ARRB1: variants seen among roughly 807,000 people sequenced by gnomAD.
ARRB1 encodes the protein arrestin beta 1.
In ARRB1, 21 loss-of-function variants were observed where a neutral mutation model predicts 56.8. That is an observed-to-expected ratio of 0.37 (90% CI 0.26 to 0.53). The LOEUF is 0.53. Among genes scored for constraint, ARRB1 ranks in the 20% least tolerant of loss-of-function variants. The pLI is 0.88. For synonymous variants in ARRB1, 210 were observed against 218.6 expected (o/e 0.96, Z 0.35); for missense variants, 424 against 553.7 (o/e 0.77, Z 2.35).
intron 13 of ARRB1, among the ~76,000 whole-genome samples, chr11:75,270,071 C>G (rs1346097366): frequency 6.6e-6 from 1 of 152,276 alleles, no homozygotes; most frequent in Non-Finnish European, 1.5e-5. Context: ...AGCCTCGCCA[C>G]CCGCTGGTGC....
At chr11:75,302,077 G>A (rs1215625058) in intron 1 of ARRB1, among the ~76,000 whole-genome samples, 11 of 152,320 alleles carry the variant, frequency 7.2e-5, no homozygotes, top group Admixed American at 2.0e-4. Context: ...GTCAGACTGG[G>A]ATGGGGACCG....
intron 1 of ARRB1, among the ~76,000 whole-genome samples, chr11:75,344,957 G>T (rs1024492333): frequency 7.2e-5 from 11 of 152,272 alleles, no homozygotes; most frequent in African/African-American, 2.6e-4. Context: ...CCACTGAATG[G>T]TTCAGACATT....
intron 11 of ARRB1, among the ~76,000 whole-genome samples, chr11:75,273,677 C>T (rs1209183485): frequency 9.9e-6 from 1 of 101,356 alleles, no homozygotes; most frequent in East Asian, 2.6e-4. Context: ...TGCCCTGGGA[C>T]CCCTGACTTG....
intron 7 of ARRB1, 148 bp from the exon 8 acceptor site, chr11:75,278,892 G>C: frequency 3.4e-6 from 4 of 1,167,452 alleles, no homozygotes; most frequent in Non-Finnish European, 4.7e-6. Flanking sequence ...ATCAGCATAG[G>C]GGTCTGTCAC....
chr11:75,312,556 A>G (rs1947185386), intron 1 of ARRB1, among the ~76,000 whole-genome samples: 1 of 152,200 alleles, frequency 6.6e-6, no homozygotes. Context: ...CGAGATGCCC[A>G]CATCCTAATC....
At chr11:75,344,126 T>C (rs535542871) in intron 1 of ARRB1, among the ~76,000 whole-genome samples, 4 of 152,286 alleles carry the variant, frequency 2.6e-5, no homozygotes, top group African/African-American at 7.2e-5. Flanking sequence ...CTGCTACAGA[T>C]GCTTTATGTC....
At chr11:75,305,269 TCCTGAC>T (rs1470905468) in intron 1 of ARRB1, among the ~76,000 whole-genome samples, 4 of 151,764 alleles carry the variant, frequency 2.6e-5, no homozygotes, top group Middle Eastern at 6.8e-3. Context: ...GGTCTTGAAC[TCCTGAC>T]CTCAAGTGAT....
chr11:75,267,346 C>T (rs1240116765), intron 15 of ARRB1, among the ~76,000 whole-genome samples: 1 of 152,158 alleles, frequency 6.6e-6, no homozygotes, highest in Non-Finnish European at 1.5e-5. Flanking sequence ...AGCCCAGGGC[C>T]ATGGACCAGC....
chr11:75,261,204 G>GTGTGTGTGTGTGTGTGTGTA lies in ARRB1; in HGVS notation c.*4958_*4959insTACACACACACACACACACA. 1 of 152,112 alleles carries GTGTGTGTGTGTGTGTGTGTA rather than the reference G, an allele frequency of 6.6e-6. No individual in the cohort carries two copies. Among genetic ancestry groups the GTGTGTGTGTGTGTGTGTGTA allele is most frequent in the African/African-American group, 2.4e-5 (1 of 41,298 alleles). The allele number at this position is 152,112 out of a possible 1,614,324, so 9.4% of individuals were successfully genotyped here. A position where few individuals can be genotyped will look rare whatever the true frequency, so the allele number is the denominator to read the frequency against. On this transcript the variant is annotated 3_prime_UTR_variant, in exon 16 of 16. Coordinates refer to ENST00000420843, the MANE Select transcript of ARRB1 (RefSeq NM_004041.5). ...TACGTGTGTGTGTGTGTGTGTGTGTGTGTGTGTGTGTGTGTGTATAAATGC... is the reference window on the plus strand; with the variant it reads ...TACGTGTGTGTGTGTGTGTGTGTGTGTGTGTGTGTGTGTGTGTGTATGTGTGTGTGTGTGTGTATAAATGC...
chr11:75,277,545 C>T, intron 8 of ARRB1, 97 bp from the exon 9 acceptor site: 3 of 1,143,996 alleles, frequency 2.6e-6, no homozygotes, highest in Non-Finnish European at 3.9e-6. Context: ...TCTGGGGTTC[C>T]CCAGACCTTG....
At chr11:75,349,668 C>T (rs1464803230) in intron 1 of ARRB1, among the ~76,000 whole-genome samples, 1 of 152,238 alleles carries the variant, frequency 6.6e-6, no homozygotes, top group African/African-American at 2.4e-5. Flanking sequence ...AAAAGCCTGA[C>T]CTCATGGGTC....
At chr11:75,279,704 G>A (rs1946284997) in intron 7 of ARRB1, among the ~76,000 whole-genome samples, 1 of 152,108 alleles carries the variant, frequency 6.6e-6, no homozygotes, top group South Asian at 2.1e-4. Flanking sequence ...GTCTCACTCT[G>A]TTGCCCAGGC....
In ARRB1 at chr11:75,266,168, T is replaced by C. The variant is rs781671154; in HGVS notation, c.1252A>G (p.Arg418Gly). 2.5e-6 allele frequency: 4 copies of C among 1,613,974 alleles called. No homozygotes were observed. In the East Asian group the frequency reaches 8.9e-5, roughly 36 times the overall value. ...TGGAGGCAGGGCCGGCCCGTCTATC[T>C]GTTGTTGAGCTGTGGAGAGCCGGTA... Reference protein sequence around the residue: ...DGTGSPQLNNR With the variant: ...DGTGSPQLNNG Residue 418 changes from arginine (R) to glycine (G), a missense_variant, in exon 16 of 16, where the codon AGA becomes GGA. Arg to Gly is a moderately radical substitution (Grantham distance 125, BLOSUM62 -2). Transcript: ENST00000420843.
intron 1 of ARRB1, among the ~76,000 whole-genome samples, chr11:75,320,658 G>A (rs911145828): frequency 1.2e-4 from 18 of 152,174 alleles, no homozygotes; most frequent in Admixed American, 1.2e-3. Flanking sequence ...CCCCACTCAA[G>A]TACCCAACTC....
chr11:75,333,926 C>T (rs1947559989), intron 1 of ARRB1, among the ~76,000 whole-genome samples: 2 of 152,170 alleles, frequency 1.3e-5, no homozygotes, highest in African/African-American at 2.4e-5. Flanking sequence ...GAAAGGTCAG[C>T]TCGGCCTGCC....
chr11:75,276,972 C>T (rs368892171), intron 9 of ARRB1, 61 bp from the exon 10 acceptor site: 293 of 1,407,186 alleles, frequency 2.1e-4, no homozygotes, highest in Non-Finnish European at 2.7e-4. Flanking sequence ...TGGAGTCTCA[C>T]AGGCGTCCCC....
At chr11:75,340,365 T>A (rs1947676020) in intron 1 of ARRB1, among the ~76,000 whole-genome samples, 1 of 152,240 alleles carries the variant, frequency 6.6e-6, no homozygotes, top group Non-Finnish European at 1.5e-5. Context: ...GCACTACCAC[T>A]ATCCAAGGCA....
intron 1 of ARRB1, among the ~76,000 whole-genome samples, chr11:75,321,032 G>C (rs1237976187): frequency 6.6e-6 from 1 of 152,128 alleles, no homozygotes; most frequent in Non-Finnish European, 1.5e-5. Context: ...ACTCACTAGT[G>C]GGGGCTAAGA....
At chr11:75,318,193 A>C (rs1947294682) in intron 1 of ARRB1, among the ~76,000 whole-genome samples, 1 of 122,040 alleles carries the variant, frequency 8.2e-6, no homozygotes. Context: ...GAGAGATTGG[A>C]TCTCACTCTG....
Sources: allele counts gnomAD v4.1 joint callset (sites outside exome capture counted in the v4.1 genomes callset), GRCh38; gene constraint gnomAD v4.1.1; transcripts MANE v1.5; gene names NCBI Gene and HGNC (gene_info 2026-07-23, HGNC 2026-07-21).